PCSK5: variants seen among roughly 807,000 people sequenced by gnomAD.
The protein encoded by PCSK5 is prohormone convertase 5.
A neutral mutation model predicts 233.2 loss-of-function variants in PCSK5; 129 were observed. The observed-to-expected ratio is 0.55, with a 90% CI of 0.48 to 0.64. The LOEUF (loss-of-function observed/expected upper bound fraction) is 0.64, where lower values mean the gene tolerates loss of function less well. Among genes scored for constraint, PCSK5 ranks in the 30% least tolerant of loss-of-function variants. The pLI is 0.00. For missense variants in PCSK5, 2,076 were observed against 2,430.1 expected, an observed-to-expected ratio of 0.85 and a Z score of 3.06; for synonymous variants, 825 against 879.2, an observed-to-expected ratio of 0.94 and a Z score of 1.09.
chr9:76,076,671 G>T (rs957162205), intron 7 of PCSK5, among the ~76,000 whole-genome samples: 13 of 152,178 alleles, frequency 8.5e-5, no homozygotes, highest in African/African-American at 3.1e-4. Flanking sequence ...CTCCCTACTT[G>T]TTTACTATAA....
chr9:75,916,852 A>T (rs1313837980), intron 1 of PCSK5, among the ~76,000 whole-genome samples: 1 of 152,206 alleles, frequency 6.6e-6, no homozygotes, highest in Non-Finnish European at 1.5e-5. Context: ...TGCATAAAAC[A>T]AAGTAAGGGA....
At chr9:75,901,876 T>C (rs1450176727) in intron 1 of PCSK5, among the ~76,000 whole-genome samples, 1 of 152,188 alleles carries the variant, frequency 6.6e-6, no homozygotes, top group Non-Finnish European at 1.5e-5. Flanking sequence ...CCAGTCTGTA[T>C]TGTTTTGTGC....
chr9:76,111,954 C>T (rs1022439671), intron 9 of PCSK5, among the ~76,000 whole-genome samples: 1 of 152,086 alleles, frequency 6.6e-6, no homozygotes, highest in Non-Finnish European at 1.5e-5. Context: ...GTCAAAATAA[C>T]TAACATTCAT....
At chr9:76,130,186 T>C (rs2131737555) in intron 9 of PCSK5, among the ~76,000 whole-genome samples, 1 of 152,268 alleles carries the variant, frequency 6.6e-6, no homozygotes, top group East Asian at 1.9e-4. Context: ...GGAACCTGCA[T>C]AACAAATTAA....
chr9:75,916,355 A>G lies in PCSK5; in HGVS notation c.193-16024A>G, dbSNP rs921913532. Among the ~76,000 whole-genome samples, 21 of 152,300 alleles carry G rather than the reference A, an allele frequency of 1.4e-4. 1 individual carries two copies. Among genetic ancestry groups the G allele is most frequent in the Middle Eastern group, 3.4e-3 (1 of 294 alleles). On this transcript the variant is annotated intron_variant, in intron 1 of 37. Transcript: ENST00000674117. Reference sequence around the variant, plus strand: ...GCGGTGCCTCAGTGTTATTATTTCAAAAATGGAGATTATAACTTATTCATT... The same window carrying G: ...GCGGTGCCTCAGTGTTATTATTTCAGAAATGGAGATTATAACTTATTCATT...
At chr9:76,117,546 C>T (rs530226782) in intron 9 of PCSK5, among the ~76,000 whole-genome samples, 1 of 152,112 alleles carries the variant, frequency 6.6e-6, no homozygotes, top group Admixed American at 6.6e-5. Flanking sequence ...TGCTTTCTGG[C>T]AACGTTAAGC....
At chr9:76,209,538 G>GAA (rs1262344674) in intron 20 of PCSK5, 5 of 515,082 alleles carry the variant, frequency 9.7e-6, no homozygotes, top group Non-Finnish European at 1.5e-5. Flanking sequence ...GATGATGAAT[G>GAA]AATTACTGAG....
intron 17 of PCSK5, among the ~76,000 whole-genome samples, chr9:76,187,554 C>T (rs1373056271): frequency 1.3e-5 from 2 of 151,876 alleles, no homozygotes; most frequent in African/African-American, 2.4e-5. Flanking sequence ...GTAGAGATGG[C>T]GTCTGACTGT....
chr9:76,313,170 G>T (rs952029716), intron 30 of PCSK5, among the ~76,000 whole-genome samples: 1 of 152,072 alleles, frequency 6.6e-6, no homozygotes, highest in Admixed American at 6.6e-5. Context: ...TACATGGTGT[G>T]GCCAGAATTT....
chr9:76,282,075 T>TC (rs147998670), intron 24 of PCSK5, among the ~76,000 whole-genome samples: 15 of 139,838 alleles, frequency 1.1e-4, no homozygotes, highest in African/African-American at 2.7e-4. Flanking sequence ...TTTTTTTTTT[T>TC]CCCCACTCTG....
At chr9:76,118,918 C>A (rs755463878) in intron 9 of PCSK5, among the ~76,000 whole-genome samples, 54 of 151,992 alleles carry the variant, frequency 3.6e-4, no homozygotes, top group Non-Finnish European at 5.4e-4. Flanking sequence ...CTTTAATCTG[C>A]ATTTTGCTTT....
At chr9:75,906,312 G>A (rs1001105874) in intron 1 of PCSK5, among the ~76,000 whole-genome samples, 4 of 151,982 alleles carry the variant, frequency 2.6e-5, no homozygotes, top group African/African-American at 9.7e-5. Context: ...TGCAGCCTCC[G>A]CCTCCCGGGT....
chr9:76,058,663 T>C (rs1360755984), intron 5 of PCSK5, among the ~76,000 whole-genome samples: 1 of 152,038 alleles, frequency 6.6e-6, no homozygotes, highest in African/African-American at 2.4e-5. Flanking sequence ...GGAAAATTCA[T>C]CAGCTACATG....
At chr9:76,341,540 C>T (rs1179935061) in intron 35 of PCSK5, among the ~76,000 whole-genome samples, 1 of 152,120 alleles carries the variant, frequency 6.6e-6, no homozygotes, top group African/African-American at 2.4e-5. Context: ...GCAATCCTCC[C>T]ATCTTGGCCA....
intron 7 of PCSK5, among the ~76,000 whole-genome samples, chr9:76,072,383 C>G (rs1830511961): frequency 6.6e-6 from 1 of 152,188 alleles, no homozygotes; most frequent in African/African-American, 2.4e-5. Flanking sequence ...ATGCATCATT[C>G]TTTTCCTTAA....
intron 7 of PCSK5, among the ~76,000 whole-genome samples, chr9:76,087,518 T>C (rs1386836032): frequency 6.6e-6 from 1 of 152,218 alleles, no homozygotes; most frequent in East Asian, 1.9e-4. Context: ...GACTAGGATA[T>C]GAACAATATC....
intron 9 of PCSK5, among the ~76,000 whole-genome samples, chr9:76,120,583 T>C (rs1832594335): frequency 6.6e-6 from 1 of 152,056 alleles, no homozygotes; most frequent in Non-Finnish European, 1.5e-5. Flanking sequence ...CCATTATGTC[T>C]TTAACTGATT....
chr9:76,064,468 C>A (rs866830701), intron 5 of PCSK5, among the ~76,000 whole-genome samples: 17 of 141,914 alleles, frequency 1.2e-4, no homozygotes, highest in South Asian at 1.1e-3. Flanking sequence ...GCTGACCCCC[C>A]ACCTCCCTCC....
chr9:76,005,486 T>C (rs964326457), intron 3 of PCSK5, among the ~76,000 whole-genome samples: 4 of 152,224 alleles, frequency 2.6e-5, no homozygotes, highest in Non-Finnish European at 4.4e-5. Flanking sequence ...ACTTAATCTG[T>C]TCTTGGAAAT....
Sources: allele counts gnomAD v4.1 joint callset (sites outside exome capture counted in the v4.1 genomes callset), GRCh38; gene constraint gnomAD v4.1.1; transcripts MANE v1.5; gene names NCBI Gene and HGNC (gene_info 2026-07-23, HGNC 2026-07-21).